PDE7B: variants seen among roughly 807,000 people sequenced by gnomAD.
PDE7B encodes the protein phosphodiesterase 7B.
In PDE7B, 29 loss-of-function variants were observed where a neutral mutation model predicts 56.2. The observed-to-expected ratio is 0.52, with a 90% CI of 0.38 to 0.70. The LOEUF is 0.70. Among genes scored for constraint, PDE7B ranks in the 30% least tolerant of loss-of-function variants. The pLI is 0.00. For missense variants in PDE7B, 490 were observed against 565.0 expected, an observed-to-expected ratio of 0.87 and a Z score of 1.35; for synonymous variants, 197 against 196.9, an observed-to-expected ratio of 1.00 and a Z score of 0.00.
At chr6:135,977,163 C>T (rs1312558380) in intron 2 of PDE7B, among the ~76,000 whole-genome samples, 11 of 152,188 alleles carry the variant, frequency 7.2e-5, no homozygotes, top group African/African-American at 2.4e-4. Context: ...GTAGAATCCT[C>T]CCGCTTCAGG....
intron 1 of PDE7B, among the ~76,000 whole-genome samples, chr6:135,863,497 C>G (rs1775190587): frequency 6.6e-6 from 1 of 151,950 alleles, no homozygotes; most frequent in African/African-American, 2.4e-5. Context: ...AGCACATAAA[C>G]AGATATTCAG....
chr6:136,002,940 C>T (rs28883643), intron 2 of PDE7B, among the ~76,000 whole-genome samples: 4,491 of 151,992 alleles, frequency 0.03, 206 homozygotes, highest in African/African-American at 0.1. Flanking sequence ...AAATTGACCA[C>T]ATACTTGGAA....
intron 2 of PDE7B, among the ~76,000 whole-genome samples, chr6:135,949,766 T>A (rs985809172): frequency 2.0e-5 from 3 of 152,138 alleles, no homozygotes; most frequent in Non-Finnish European, 4.4e-5. Context: ...TAAAAGGAAC[T>A]GTGAGAATGG....
chr6:136,149,236 TG>T, intron 5 of PDE7B, 86 bp downstream of exon 5: 1 of 866,252 alleles, frequency 1.2e-6, no homozygotes, highest in Non-Finnish European at 1.9e-6. Flanking sequence ...TTTTAAACAC[TG>T]CTATTCCTTT....
chr6:136,053,898 A>G (rs1472415824), intron 2 of PDE7B, among the ~76,000 whole-genome samples: 1 of 151,850 alleles, frequency 6.6e-6, no homozygotes, highest in African/African-American at 2.4e-5. Context: ...CCACTTTTTG[A>G]TGGCGTTGTT....
intron 3 of PDE7B, among the ~76,000 whole-genome samples, chr6:136,125,335 A>C (rs1226600370): frequency 6.6e-6 from 1 of 152,168 alleles, no homozygotes; most frequent in African/African-American, 2.4e-5. Context: ...GCACTGTGGG[A>C]GGCCAAGGCA....
intron 2 of PDE7B, among the ~76,000 whole-genome samples, chr6:136,102,278 G>A (rs1020329636): frequency 2.6e-5 from 4 of 151,880 alleles, no homozygotes; most frequent in Non-Finnish European, 5.9e-5. Flanking sequence ...GGGGGTGGGT[G>A]GGGGTTTGGG....
intron 3 of PDE7B, among the ~76,000 whole-genome samples, chr6:136,115,195 A>C (rs182791050): frequency 1.3e-5 from 2 of 152,308 alleles, no homozygotes; most frequent in East Asian, 3.9e-4. Flanking sequence ...TACACCAAAT[A>C]ATACATGCCT....
chr6:136,133,323 G>T (rs184119829), intron 3 of PDE7B, among the ~76,000 whole-genome samples: 1 of 150,418 alleles, frequency 6.6e-6, no homozygotes, highest in Non-Finnish European at 1.5e-5. Flanking sequence ...AGAGATCAAA[G>T]TTTCTATCTA....
chr6:135,880,224 A>T (rs1352860933), intron 1 of PDE7B, among the ~76,000 whole-genome samples: 1 of 152,178 alleles, frequency 6.6e-6, no homozygotes, highest in Admixed American at 6.5e-5. Flanking sequence ...GGGAAGATGA[A>T]AGGGAGAAAG....
chr6:136,093,874 A>G (rs1479706205), intron 2 of PDE7B, among the ~76,000 whole-genome samples: 3 of 152,186 alleles, frequency 2.0e-5, no homozygotes. Flanking sequence ...ACCTTAGATC[A>G]TGTCACTTTC....
chr6:136,016,240 G>T (rs187212610), intron 2 of PDE7B, among the ~76,000 whole-genome samples: 119 of 152,300 alleles, frequency 7.8e-4, no homozygotes, highest in Non-Finnish European at 1.5e-3. Flanking sequence ...TTGCTGAGAT[G>T]ATTAGATGAT....
intron 2 of PDE7B, among the ~76,000 whole-genome samples, chr6:136,040,876 C>G (rs1004657400): frequency 6.6e-6 from 1 of 152,206 alleles, no homozygotes; most frequent in Non-Finnish European, 1.5e-5. Flanking sequence ...GCATCTCTCT[C>G]TTTAAAATGC....
intron 2 of PDE7B, among the ~76,000 whole-genome samples, chr6:136,052,669 C>T (rs940043277): frequency 6.7e-6 from 1 of 148,216 alleles, no homozygotes; most frequent in African/African-American, 2.5e-5. Flanking sequence ...CCATCATGGG[C>T]ATACCTGCCA....
At chr6:136,007,042 G>A (rs1046767283) in intron 2 of PDE7B, among the ~76,000 whole-genome samples, 5 of 152,026 alleles carry the variant, frequency 3.3e-5, no homozygotes, top group East Asian at 1.9e-4. Context: ...ATTGGCTGAC[G>A]GTCTGTCATA....
intron 2 of PDE7B, among the ~76,000 whole-genome samples, chr6:136,067,233 A>G (rs1776956676): frequency 6.6e-6 from 1 of 152,214 alleles, no homozygotes; most frequent in South Asian, 2.1e-4. Flanking sequence ...AATGTTCTAG[A>G]TAATAAGATG....
chr6:136,061,884 C>A (rs1359194340), intron 2 of PDE7B, among the ~76,000 whole-genome samples: 1 of 152,192 alleles, frequency 6.6e-6, no homozygotes, highest in African/African-American at 2.4e-5. Context: ...CCTCTCAGAC[C>A]TCAGTCCTCT....
intron 1 of PDE7B, among the ~76,000 whole-genome samples, chr6:135,936,707 C>G (rs992484056): frequency 7.2e-5 from 11 of 152,154 alleles, no homozygotes; most frequent in African/African-American, 2.7e-4. Context: ...GGGAGATGTC[C>G]CTAAAAGGGT....
At position 135,916,357 on chromosome 6, in the gene PDE7B, CTTTTGCCCTT is replaced by C. The variant is rs535405064; in HGVS notation, c.22-31102_22-31093del. ...CTTTGTGAAGTGTATCTACTCAAGT[CTTTTGCCCTT>C]TTTTTCTTTTCTTTTCTTTTCTTTC... On this transcript the variant is annotated intron_variant, in intron 1 of 12. Coordinates refer to ENST00000308191, the MANE Select transcript of PDE7B (RefSeq NM_018945.4). Among the ~76,000 whole-genome samples the C allele has an allele frequency of 3.3e-3, 462 of 139,536 alleles. 6 individuals carry two copies. The highest frequency in any genetic ancestry group is 0.011 in the African/African-American group (412 of 37,886). 91.5% of individuals were successfully genotyped at this position (139,536 alleles called of 152,430 possible).
Sources: gnomAD v4.1 joint callset for allele counts (sites outside exome capture counted in the v4.1 genomes callset) on GRCh38, gnomAD v4.1.1 for gene constraint, MANE v1.5 for transcripts, NCBI Gene and HGNC (gene_info 2026-07-23, HGNC 2026-07-21) for gene names.